The following ZFAT variants were observed in gnomAD, a reference collection of about 807,000 sequenced individuals.
ZFAT encodes zinc finger protein ZFAT.
A neutral mutation model predicts 117.7 loss-of-function variants in ZFAT; 64 were observed. That is an observed-to-expected ratio of 0.54 (90% confidence interval 0.44 to 0.67). The LOEUF is 0.67. Among genes scored for constraint, ZFAT ranks in the 30% least tolerant of loss-of-function variants. ZFAT has a pLI of 0.00. For synonymous variants in ZFAT, 679 were observed against 615.0 expected (o/e 1.10, Z -1.54); for missense variants, 1,433 against 1,584.5 (o/e 0.90, Z 1.62).
chr8:134,765,143 T>G, the ZFAT span: 2 of 152,244 alleles, frequency 1.3e-5, no homozygotes, highest in African/African-American at 4.8e-5. Flanking sequence ...GGTGAGCTAG[T>G]TTTTATACCC....
At chr8:134,484,789 T>C (rs1817554364) in intron 15 of ZFAT, among the ~76,000 whole-genome samples, 1 of 152,202 alleles carries the variant, frequency 6.6e-6, no homozygotes, top group South Asian at 2.1e-4. Flanking sequence ...TTATTTATAA[T>C]AGTTGTAGTG....
chr8:134,668,605 G>A (rs1350388199), intron 1 of ZFAT, among the ~76,000 whole-genome samples: 3 of 152,146 alleles, frequency 2.0e-5, no homozygotes, highest in African/African-American at 2.4e-5. Context: ...CCATCTGTAC[G>A]TCACCATCAT....
chr8:134,675,166 G>A (rs1832734967), intron 1 of ZFAT, among the ~76,000 whole-genome samples: 1 of 152,144 alleles, frequency 6.6e-6, no homozygotes, highest in Admixed American at 6.5e-5. Context: ...CAAGCTAAAG[G>A]AGCATGTTCT....
At chr8:134,609,167 CAT>C (rs759582695) in intron 4 of ZFAT, among the ~76,000 whole-genome samples, 33 of 148,588 alleles carry the variant, frequency 2.2e-4, no homozygotes, top group Non-Finnish European at 3.9e-4. Flanking sequence ...CACACACACA[CAT>C]ATACATATAT....
intron 2 of ZFAT, among the ~76,000 whole-genome samples, chr8:134,648,462 A>G (rs1831026109): frequency 6.6e-6 from 1 of 152,120 alleles, no homozygotes; most frequent in South Asian, 2.1e-4. Context: ...GTTAAAATCA[A>G]TAATGAAAGG....
At chr8:134,497,913 G>A (rs1586585729) in intron 15 of ZFAT, among the ~76,000 whole-genome samples, 1 of 140,826 alleles carries the variant, frequency 7.1e-6, no homozygotes, top group East Asian at 2.1e-4. Flanking sequence ...GGGTTGGGGT[G>A]GAGCCGTGAT....
intron 3 of ZFAT, among the ~76,000 whole-genome samples, chr8:134,632,448 C>A (rs1482500973): frequency 6.6e-6 from 1 of 152,210 alleles, no homozygotes; most frequent in Non-Finnish European, 1.5e-5. Flanking sequence ...TGGGATGGTG[C>A]CCTTAATCCC....
intron 1 of ZFAT, among the ~76,000 whole-genome samples, chr8:134,697,886 A>G (rs1833912313): frequency 6.8e-6 from 1 of 147,914 alleles, no homozygotes; most frequent in Non-Finnish European, 1.5e-5. Flanking sequence ...CAGCCAGTAC[A>G]ACAATATTTA....
At chr8:134,548,065 A>C (rs1359265062) in intron 11 of ZFAT, among the ~76,000 whole-genome samples, 4 of 152,184 alleles carry the variant, frequency 2.6e-5, no homozygotes. Flanking sequence ...CAAGCCCTTG[A>C]AGGAGCTCAG....
At chr8:134,577,479 T>C (rs1260742816) in intron 10 of ZFAT, among the ~76,000 whole-genome samples, 1 of 152,234 alleles carries the variant, frequency 6.6e-6, no homozygotes, top group African/African-American at 2.4e-5. Flanking sequence ...AAATACCTAA[T>C]TCACAAGCAT....
intron 11 of ZFAT, among the ~76,000 whole-genome samples, chr8:134,562,265 T>G (rs980860756): frequency 6.6e-6 from 1 of 152,222 alleles, no homozygotes; most frequent in Non-Finnish European, 1.5e-5. Context: ...AATGCAGCCC[T>G]GCCAACACCT....
chr8:134,562,590 C>T (rs1824131401), intron 11 of ZFAT, among the ~76,000 whole-genome samples: 1 of 152,182 alleles, frequency 6.6e-6, no homozygotes, highest in South Asian at 2.1e-4. Context: ...CTGTTTCTCA[C>T]TCAGGTCTGA....
intron 13 of ZFAT, among the ~76,000 whole-genome samples, chr8:134,515,540 T>C (rs1378936823): frequency 6.6e-6 from 1 of 152,256 alleles, no homozygotes; most frequent in Non-Finnish European, 1.5e-5. Flanking sequence ...TGGTTTTGAT[T>C]TGCATTTCTC....
intron 1 of ZFAT, among the ~76,000 whole-genome samples, chr8:134,711,783 A>T (rs181709186): frequency 3.1e-4 from 47 of 152,102 alleles, no homozygotes; most frequent in African/African-American, 1.0e-3. Flanking sequence ...ACTGCTCTTT[A>T]CCCCTGCCTG....
At chr8:134,533,898 GT>G (rs1174835590) in intron 11 of ZFAT, among the ~76,000 whole-genome samples, 6 of 152,202 alleles carry the variant, frequency 3.9e-5, no homozygotes, top group Non-Finnish European at 7.3e-5. Context: ...ACAGCCCCTG[GT>G]CAGGAGCTGC....
At chr8:134,790,233 G>T in the ZFAT span, among the ~76,000 whole-genome samples, 2 of 152,160 alleles carry the variant, frequency 1.3e-5, no homozygotes, top group Non-Finnish European at 2.9e-5. Flanking sequence ...TATATTTTGG[G>T]ATGATGTCCT....
At chr8:134,537,660 T>TACC (rs146001959) in intron 11 of ZFAT, among the ~76,000 whole-genome samples, 3,440 of 152,276 alleles carry the variant, frequency 0.023, 133 homozygotes, top group African/African-American at 0.079. Context: ...TCACTCTGGA[T>TACC]ACCTGGAAGT....
At chr8:134,584,088 A>G in intron 9 of ZFAT, 83 bp from the exon 10 acceptor site, 1 of 1,249,476 alleles carries the variant, frequency 8.0e-7, no homozygotes, top group Non-Finnish European at 1.1e-6. Flanking sequence ...ATATATATCC[A>G]TATCTAAATA....
At chr8:134,668,891 T>C (rs1832401196) in intron 1 of ZFAT, among the ~76,000 whole-genome samples, 1 of 151,952 alleles carries the variant, frequency 6.6e-6, no homozygotes, top group Non-Finnish European at 1.5e-5. Context: ...GAATAATGAG[T>C]GTAGAGAAGT....
Sources: gnomAD v4.1 joint callset for allele counts (sites outside exome capture counted in the v4.1 genomes callset) on GRCh38, gnomAD v4.1.1 for gene constraint, MANE v1.5 for transcripts, NCBI Gene and HGNC (gene_info 2026-07-23, HGNC 2026-07-21) for gene names.